GRPEL2: variants seen among roughly 807,000 people sequenced by gnomAD.
The protein encoded by GRPEL2 is grpE protein homolog 2, mitochondrial.
A neutral mutation model predicts 25.9 loss-of-function variants in GRPEL2; 18 were observed. The ratio of observed to expected loss-of-function variants is 0.70; its 90% confidence interval spans 0.48 to 1.03. The LOEUF is 1.03. Ranked by LOEUF, GRPEL2 falls within the 50% of genes least tolerant of loss-of-function variation. The pLI is 0.00. For missense variants in GRPEL2, 247 were observed against 276.2 expected (o/e 0.89, Z 0.75); for synonymous variants, 106 against 107.9 (o/e 0.98, Z 0.11).
At chr5:149,350,231 T>C (rs577086954) in intron 3 of GRPEL2, among the ~76,000 whole-genome samples, 79 of 152,324 alleles carry the variant, frequency 5.2e-4, no homozygotes, top group African/African-American at 1.8e-3. Flanking sequence ...CTCATTTCTG[T>C]AAGAAAAATC....
At chr5:149,349,893 A>G in intron 3 of GRPEL2, 158 bp downstream of exon 3, 1 of 612,436 alleles carries the variant, frequency 1.6e-6, no homozygotes, top group Non-Finnish European at 2.9e-6. Flanking sequence ...TGAAAATACA[A>G]ACTAGCTAGG....
chr5:149,350,714 T>C (rs1256814912), intron 3 of GRPEL2, among the ~76,000 whole-genome samples: 2 of 152,222 alleles, frequency 1.3e-5, no homozygotes, highest in Non-Finnish European at 2.9e-5. Context: ...AAGTTCCTAG[T>C]CATATATGCC....
At chr5:149,349,555 C>T in intron 2 of GRPEL2, 99 bp from the exon 3 acceptor site, 2 of 825,434 alleles carry the variant, frequency 2.4e-6, no homozygotes, top group South Asian at 3.7e-5. Context: ...TTTATAAAAA[C>T]CTATCAAAAG....
chr5:149,350,496 C>G lies in GRPEL2; in HGVS notation c.314-422C>G, dbSNP rs575708715. 2.0e-5 allele frequency among the ~76,000 whole-genome samples: 3 copies of G among 152,130 alleles called. No homozygotes were observed. In the East Asian group the frequency reaches 5.8e-4, roughly 29 times the overall value. Reference sequence around the variant, plus strand: ...CTTTTTTTATTGTTAGTGCCCTTCTCGTGAAATATTAATGTCTTGTCCCTG... The same window carrying G: ...CTTTTTTTATTGTTAGTGCCCTTCTGGTGAAATATTAATGTCTTGTCCCTG... On this transcript the variant is annotated intron_variant, in intron 3 of 3. Coordinates refer to ENST00000329271, the MANE Select transcript of GRPEL2 (RefSeq NM_152407.4).
At position 149,349,671 on chromosome 5, in the gene GRPEL2, T is replaced by C. The variant is rs150347105; in HGVS notation, c.249T>C (p.Ala83=). The C allele has an allele frequency of 2.5e-6, 4 of 1,612,834 alleles. No individual in the cohort carries two copies. Among genetic ancestry groups the C allele is most frequent in the Non-Finnish European group, 3.4e-6 (4 of 1,178,988 alleles). The change falls in exon 3 of 4, where the codon GCT becomes GCC. Residue 83 remains alanine (A), a synonymous_variant. Coordinates refer to ENST00000329271, the MANE Select transcript of GRPEL2 (RefSeq NM_152407.4). ...VQDLTVRYQR[A]IADCENIRRR... is the part of the protein sequence containing the mutation. ...ATATTCAGGTGAGATACCAGAGAGCTATAGCTGATTGTGAAAACATAAGGA... is the reference window on the plus strand; with the variant it reads ...ATATTCAGGTGAGATACCAGAGAGCCATAGCTGATTGTGAAAACATAAGGA...
intron 2 of GRPEL2, 84 bp downstream of exon 2, chr5:149,348,509 G>A: frequency 1.7e-6 from 2 of 1,208,170 alleles, no homozygotes; most frequent in South Asian, 3.3e-5. Flanking sequence ...TTTTCAAAAT[G>A]AAGTTTTCTT....
chr5:149,350,494 C>T (rs1757758048), intron 3 of GRPEL2, among the ~76,000 whole-genome samples: 1 of 152,152 alleles, frequency 6.6e-6, no homozygotes, highest in Non-Finnish European at 1.5e-5. Context: ...TAGTGCCCTT[C>T]TCGTGAAATA....
rs972434594 is a variant in GRPEL2 at position 149,352,016 on chromosome 5, T to A, written c.*734T>A. ...AATTATTTTCAGCCTCCTTGTCATA[T>A]AATCATTTCAGGCAAACTGAGGCAA... is the stretch of plus-strand genomic sequence containing the variant. On this transcript the variant is annotated 3_prime_UTR_variant, in exon 4 of 4. Transcript: ENST00000329271. The A allele has an allele frequency of 2.6e-5, 4 of 152,204 alleles. No homozygotes were observed. Among genetic ancestry groups the A allele is most frequent in the African/African-American group, 9.7e-5 (4 of 41,446 alleles). The allele number at this position is 152,204 out of a possible 1,614,324, so 9.4% of individuals were successfully genotyped here.
At position 149,351,272 on chromosome 5, in the gene GRPEL2, G is replaced by A. The variant is rs1289546865; in HGVS notation, c.668G>A (p.Arg223Lys). The A allele has an allele frequency of 6.2e-7, 1 of 1,606,374 alleles. No homozygotes were observed. The highest frequency in any genetic ancestry group is 8.5e-7 in the Non-Finnish European group (1 of 1,174,238). The change falls in exon 4 of 4, where the codon AGA becomes AAA. Residue 223 changes from arginine (R) to lysine (K), a missense_variant. Arg to Lys is a conservative substitution (Grantham distance 26, BLOSUM62 2). This residue lies in a region of GRPEL2 where 122 missense variants were observed against 169.2 expected (regional missense o/e 0.72). Coordinates refer to ENST00000329271, the MANE Select transcript of GRPEL2 (RefSeq NM_152407.4). ...ARVEVAVESQ[R>K]RL ...GTGGAAGTGGCAGTGGAGTCTCAGAGAAGACTGTGAAGAGGCCATCAGGAA... is the reference window on the plus strand; with the variant it reads ...GTGGAAGTGGCAGTGGAGTCTCAGAAAAGACTGTGAAGAGGCCATCAGGAA...
At position 149,352,277 on chromosome 5, in the gene GRPEL2, C is replaced by T. The variant is rs1407995040; in HGVS notation, c.*995C>T. ...CTGGCTCTATTTATGTTACTTTTTG[C>T]GATAAGAACACTTAACATAAGTATT... On this transcript the variant is annotated 3_prime_UTR_variant, in exon 4 of 4. Coordinates refer to ENST00000329271, the MANE Select transcript of GRPEL2 (RefSeq NM_152407.4). 1 of 150,688 alleles carries T rather than the reference C, an allele frequency of 6.6e-6. No homozygotes were observed. Among genetic ancestry groups the T allele is most frequent in the East Asian group, 1.9e-4 (1 of 5,162 alleles). 9.3% of individuals were successfully genotyped at this position (150,688 alleles called of 1,614,324 possible).
chr5:149,346,714 A>ATTTTT (rs1491448789), intron 1 of GRPEL2, among the ~76,000 whole-genome samples: 2 of 100,404 alleles, frequency 2.0e-5, no homozygotes, highest in African/African-American at 4.2e-5. Flanking sequence ...TGGCCCTGAG[A>ATTTTT]ATTTTTTTTT....
At position 149,349,713 on chromosome 5, in the gene GRPEL2, T is replaced by G; in HGVS notation, c.291T>G (p.Cys97Trp). 1.2e-6 allele frequency: 2 copies of G among 1,613,350 alleles called. No individual in the cohort carries two copies. Among genetic ancestry groups the G allele is most frequent in the Non-Finnish European group, 1.7e-6 (2 of 1,179,350 alleles). Residue 97 changes from cysteine (C) to tryptophan (W), a missense_variant, in exon 3 of 4, where the codon TGT (cysteine) becomes TGG (tryptophan). Around this residue, in one of 2 missense-constraint regions of GRPEL2, gnomAD observed 122 missense variants for 169.2 expected, o/e 0.72. Transcript: ENST00000329271. ...ACATAAGGAGGCGAACCCAGAGATG[T>G]GTGGAAGACGCCAAGATATTTGGTG... Reference protein sequence around the residue: ...CENIRRRTQRCVEDAKIFGIQ... With the variant: ...CENIRRRTQRWVEDAKIFGIQ...
At chr5:149,347,705 T>C (rs886189553) in intron 1 of GRPEL2, among the ~76,000 whole-genome samples, 1 of 152,244 alleles carries the variant, frequency 6.6e-6, no homozygotes, top group African/African-American at 2.4e-5. Context: ...TGGGAATTTC[T>C]TTCTCAGCAC....
At position 149,351,311 on chromosome 5, in the gene GRPEL2, C is replaced by T; in HGVS notation, c.*29C>T. ...GGCCATCAGGAACTGGATGTTCTCC[C>T]AGAGCGCAGTCACCTATGTTTCTTT... On this transcript the variant is annotated 3_prime_UTR_variant, in exon 4 of 4. Transcript: ENST00000329271. The T allele has an allele frequency of 1.3e-6, 2 of 1,580,880 alleles. No individual in the cohort carries two copies. Among genetic ancestry groups the T allele is most frequent in the Non-Finnish European group, 1.7e-6 (2 of 1,161,496 alleles).
intron 1 of GRPEL2, among the ~76,000 whole-genome samples, chr5:149,347,229 T>C (rs539812350): frequency 5.5e-4 from 84 of 152,324 alleles, no homozygotes; most frequent in African/African-American, 1.6e-3. Context: ...AAAAGTCCTC[T>C]TGCTTACACC....
At chr5:149,350,090 G>A (rs944711944) in intron 3 of GRPEL2, among the ~76,000 whole-genome samples, 3 of 152,052 alleles carry the variant, frequency 2.0e-5, no homozygotes, top group East Asian at 1.9e-4. Context: ...CAAAGACCTA[G>A]CCTGTTTTGA....
rs1757823939 is a variant in GRPEL2 at position 149,354,404 on chromosome 5, GAT to G, written c.*3125_*3126del. The G allele has an allele frequency of 6.6e-6, 1 of 152,174 alleles. No individual in the cohort carries two copies. Among genetic ancestry groups the G allele is most frequent in the African/African-American group, 2.4e-5 (1 of 41,438 alleles). 9.4% of individuals were successfully genotyped at this position (152,174 alleles called of 1,614,324 possible). A position where few individuals can be genotyped will look rare whatever the true frequency, so the allele number is the denominator to read the frequency against. ...TAAAGGAATCAGGCAGTTGGGTATT[GAT>G]ATGTTATTTGGTGCTCTCATTCATG... On this transcript the variant is annotated 3_prime_UTR_variant, in exon 4 of 4. Transcript: ENST00000329271.
In GRPEL2 at chr5:149,348,408, G is replaced by C. The variant is rs752337974; in HGVS notation, c.214G>C (p.Glu72Gln). The change falls in exon 2 of 4, where the codon GAA (glutamate) becomes CAA (glutamine). Residue 72 changes from glutamate (E) to glutamine (Q), a missense_variant. Coordinates refer to ENST00000329271, the MANE Select transcript of GRPEL2 (RefSeq NM_152407.4). ...LRVKAVKLEK[E>Q]VQDLTVRYQR... ...GGTAAAAGCTGTTAAACTGGAGAAA[G>C]AAGTCCAAGATTTAACAGTGAGTCA... The C allele has an allele frequency of 6.2e-7, 1 of 1,607,774 alleles. No homozygotes were observed.
intron 3 of GRPEL2, among the ~76,000 whole-genome samples, chr5:149,350,185 C>T (rs1035213243): frequency 8.5e-5 from 13 of 152,214 alleles, no homozygotes; most frequent in African/African-American, 3.1e-4. Flanking sequence ...GCTTTGGTAT[C>T]GTGTCATAGA....
Sources: allele counts gnomAD v4.1 joint callset (sites outside exome capture counted in the v4.1 genomes callset), GRCh38; gene constraint gnomAD v4.1.1; regional missense constraint gnomAD v4.1.1; transcripts MANE v1.5; gene names NCBI Gene and HGNC (gene_info 2026-07-23, HGNC 2026-07-21).